The following PDZRN4 variants were observed in gnomAD, a reference collection of about 807,000 sequenced individuals.
The protein encoded by PDZRN4 is PDZ domain containing ring finger 4, also known as PDZ domain-containing RING finger protein 4.
A neutral mutation model predicts 99.0 loss-of-function variants in PDZRN4; 70 were observed. That is an observed-to-expected ratio of 0.71 (90% CI 0.58 to 0.86). The LOEUF (loss-of-function observed/expected upper bound fraction) is 0.86, where lower values mean the gene tolerates loss of function less well. Ranked by LOEUF, PDZRN4 falls within the 40% of genes least tolerant of loss-of-function variation. The pLI, the probability that PDZRN4 is intolerant of heterozygous loss-of-function variation, is 0.00. For synonymous variants in PDZRN4, 551 were observed against 501.6 expected, an observed-to-expected ratio of 1.10 and a Z score of -1.32; for missense variants, 1,474 against 1,331.2, an observed-to-expected ratio of 1.11 and a Z score of -1.67.
chr12:41,438,428 C>A (rs1473951690), intron 3 of PDZRN4, among the ~76,000 whole-genome samples: 2 of 152,084 alleles, frequency 1.3e-5, no homozygotes. Context: ...GGAGAAGTTT[C>A]CTGCCAAATC....
intron 3 of PDZRN4, among the ~76,000 whole-genome samples, chr12:41,405,503 T>A (rs1433020361): frequency 6.6e-6 from 1 of 152,214 alleles, no homozygotes; most frequent in African/African-American, 2.4e-5. Flanking sequence ...CTGGTATGAA[T>A]GTAAATCAGT....
At chr12:41,239,805 T>C (rs1255055665) in intron 3 of PDZRN4, among the ~76,000 whole-genome samples, 5 of 152,200 alleles carry the variant, frequency 3.3e-5, no homozygotes, top group African/African-American at 4.8e-5. Flanking sequence ...AACAGAGTTG[T>C]GTAATGTAGG....
intron 3 of PDZRN4, among the ~76,000 whole-genome samples, chr12:41,448,190 G>A (rs1017086545): frequency 4.6e-5 from 7 of 152,002 alleles, no homozygotes; most frequent in South Asian, 2.1e-4. Context: ...AAGGTTCCTC[G>A]CAATCTGTTT....
chr12:41,353,860 T>A (rs1490240601), intron 3 of PDZRN4, among the ~76,000 whole-genome samples: 1 of 152,086 alleles, frequency 6.6e-6, no homozygotes, highest in African/African-American at 2.4e-5. Context: ...GTGCAAGAGT[T>A]TAGGATGAGA....
intron 3 of PDZRN4, among the ~76,000 whole-genome samples, chr12:41,351,413 G>T (rs1301289418): frequency 6.6e-6 from 1 of 152,062 alleles, no homozygotes; most frequent in East Asian, 1.9e-4. Context: ...TTCTTGCACT[G>T]CTATGAAGAC....
chr12:41,404,499 A>T (rs1426689138), intron 3 of PDZRN4, among the ~76,000 whole-genome samples: 1 of 152,152 alleles, frequency 6.6e-6, no homozygotes, highest in Non-Finnish European at 1.5e-5. Flanking sequence ...TGCTGAACGA[A>T]ATCAGAGATG....
In PDZRN4 at chr12:41,303,873, G is replaced by A. The variant is rs567624417; in HGVS notation, c.843+109685G>A. On this transcript the variant is annotated intron_variant, in intron 3 of 9. Coordinates refer to ENST00000402685, the MANE Select transcript of PDZRN4 (RefSeq NM_001164595.2). ...TCTGTGTGACTGCAGAACTGGGGAG[G>A]TTGTTTATCACAGACATGCAAGTGC... 2.6e-5 allele frequency among the ~76,000 whole-genome samples: 4 copies of A among 152,256 alleles called. No individual in the cohort carries two copies. The South Asian group carries it at 6.2e-4, about 24-fold the overall frequency.
At chr12:41,432,692 G>A (rs1952595221) in intron 3 of PDZRN4, among the ~76,000 whole-genome samples, 1 of 152,148 alleles carries the variant, frequency 6.6e-6, no homozygotes, top group South Asian at 2.1e-4. Flanking sequence ...AAATAGGTAG[G>A]GATAAAATGC....
intron 3 of PDZRN4, among the ~76,000 whole-genome samples, chr12:41,335,243 CT>C (rs202056334): frequency 1.1e-3 from 170 of 151,546 alleles, no homozygotes; most frequent in African/African-American, 3.8e-3. Context: ...CTATCATTTT[CT>C]TTTTTTCTTT....
At chr12:41,350,506 C>T (rs1467095561) in intron 3 of PDZRN4, among the ~76,000 whole-genome samples, 1 of 152,018 alleles carries the variant, frequency 6.6e-6, no homozygotes, top group African/African-American at 2.4e-5. Context: ...TATGAAATCT[C>T]TCAAATTTGA....
chr12:41,292,054 C>T (rs1158513920), intron 3 of PDZRN4, among the ~76,000 whole-genome samples: 1 of 152,170 alleles, frequency 6.6e-6, no homozygotes, highest in Non-Finnish European at 1.5e-5. Context: ...ATCAATTAAT[C>T]ATCAGGCACA....
intron 3 of PDZRN4, among the ~76,000 whole-genome samples, chr12:41,302,519 C>A (rs1236136808): frequency 6.6e-6 from 1 of 152,068 alleles, no homozygotes; most frequent in East Asian, 1.9e-4. Context: ...TGTAAGGATA[C>A]TATTGAGAAC....
intron 3 of PDZRN4, chr12:41,478,004 G>A: frequency 2.3e-6 from 2 of 851,410 alleles, no homozygotes; most frequent in Non-Finnish European, 1.9e-6. Context: ...TAGATAAGAG[G>A]ACAAATGTGG....
chr12:41,303,476 T>C (rs891613150), intron 3 of PDZRN4, among the ~76,000 whole-genome samples: 1 of 152,228 alleles, frequency 6.6e-6, no homozygotes, highest in Non-Finnish European at 1.5e-5. Context: ...TACATCTAAT[T>C]ATAAAAGATG....
intron 3 of PDZRN4, among the ~76,000 whole-genome samples, chr12:41,416,323 G>A (rs543250720): frequency 5.9e-5 from 9 of 152,174 alleles, no homozygotes; most frequent in South Asian, 4.1e-4. Flanking sequence ...AAAAAATGGC[G>A]AAAGAAGGAC....
At chr12:41,192,450 T>C (rs933645048) in intron 2 of PDZRN4, among the ~76,000 whole-genome samples, 2 of 152,216 alleles carry the variant, frequency 1.3e-5, no homozygotes, top group African/African-American at 4.8e-5. Flanking sequence ...TGGTTCTCTT[T>C]GCTACTTTAA....
intron 3 of PDZRN4, among the ~76,000 whole-genome samples, chr12:41,488,828 G>C (rs1362239959): frequency 6.6e-6 from 1 of 152,144 alleles, no homozygotes; most frequent in Non-Finnish European, 1.5e-5. Context: ...CTGTGTTATA[G>C]TGTTTTATCT....
intron 3 of PDZRN4, among the ~76,000 whole-genome samples, chr12:41,302,561 T>C (rs894974239): frequency 6.6e-6 from 1 of 152,146 alleles, no homozygotes; most frequent in Non-Finnish European, 1.5e-5. Flanking sequence ...TCATAGACAC[T>C]TAAATTGTTC....
At chr12:41,205,422 T>C (rs926720956) in intron 3 of PDZRN4, among the ~76,000 whole-genome samples, 1 of 151,976 alleles carries the variant, frequency 6.6e-6, no homozygotes, top group Non-Finnish European at 1.5e-5. Flanking sequence ...AATGAGGTCC[T>C]GCCTCCTCTG....
Sources: gnomAD v4.1 joint callset for allele counts (sites outside exome capture counted in the v4.1 genomes callset) on GRCh38, gnomAD v4.1.1 for gene constraint, MANE v1.5 for transcripts, NCBI Gene and HGNC (gene_info 2026-07-23, HGNC 2026-07-21) for gene names.